Variants in EML5 observed in about 807,000 individuals in gnomAD.
EML5 encodes the protein EMAP like 5.
Under a neutral mutation model 250.0 loss-of-function variants are expected in EML5, and 120 were observed. That is an observed-to-expected ratio of 0.48 (90% CI 0.41 to 0.56). The LOEUF is 0.56. Ranked by LOEUF, EML5 falls within the 20% of genes least tolerant of loss-of-function variation. The pLI, the probability that EML5 is intolerant of heterozygous loss-of-function variation, is 0.00. For missense variants in EML5, 2,006 were observed against 2,437.6 expected, an observed-to-expected ratio of 0.82 and a Z score of 3.73; for synonymous variants, 771 against 806.5, an observed-to-expected ratio of 0.96 and a Z score of 0.75.
At chr14:88,746,966 C>G (rs1165489504) in intron 2 of EML5, among the ~76,000 whole-genome samples, 1 of 152,118 alleles carries the variant, frequency 6.6e-6, no homozygotes, top group Admixed American at 6.5e-5. Flanking sequence ...AAATTTAATT[C>G]AAAGTAGTCT....
intron 33 of EML5, 173 bp from the exon 34 acceptor site, chr14:88,627,992 T>TG: frequency 1.4e-6 from 1 of 724,320 alleles, no homozygotes; most frequent in Non-Finnish European, 2.4e-6. Context: ...AAAGGAGTTT[T>TG]GGGGGTGGGG....
rs1330886933 is a variant in EML5 at position 88,746,193 on chromosome 14, T to C, written c.448A>G (p.Thr150Ala). Residue 150 changes from threonine to alanine, a missense_variant, in exon 3 of 44, where the codon ACA (threonine) becomes GCA (alanine). Physicochemically the swap from Thr to Ala is moderately conservative, Grantham distance 58. Around this residue, in one of 7 missense-constraint regions of EML5, gnomAD observed 162 missense variants for 212.2 expected, o/e 0.76. Transcript: ENST00000554922. Reference protein sequence around the residue: ...GKMLSMAPGHTDRIFDISWDL... With the variant: ...GKMLSMAPGHADRIFDISWDL... ...CAAAAGAGAATACTTACTCTATCTG[T>C]ATGACCAGGAGCCATAGACAACATT... The C allele has an allele frequency of 6.2e-7, 1 of 1,612,352 alleles. No individual in the cohort carries two copies. The highest frequency in any genetic ancestry group is 1.7e-5 in the Admixed American group (1 of 59,956).
At chr14:88,753,321 A>G (rs1338819446) in intron 2 of EML5, among the ~76,000 whole-genome samples, 2 of 152,186 alleles carry the variant, frequency 1.3e-5, no homozygotes, top group Non-Finnish European at 2.9e-5. Flanking sequence ...GAACTCTCTC[A>G]TCTCACTACC....
intron 21 of EML5, among the ~76,000 whole-genome samples, chr14:88,672,673 C>A (rs1268590812): frequency 6.6e-6 from 1 of 151,850 alleles, no homozygotes; most frequent in African/African-American, 2.4e-5. Flanking sequence ...AGAGAAGAAT[C>A]AAATCGACAC....
At chr14:88,662,542 C>CTTT (rs56347693) in intron 24 of EML5, among the ~76,000 whole-genome samples, 1 of 121,700 alleles carries the variant, frequency 8.2e-6, no homozygotes, top group Non-Finnish European at 1.6e-5. Flanking sequence ...TGATTTATTC[C>CTTT]TTTTTTTTTT....
chr14:88,771,397 C>T (rs1485803582), intron 1 of EML5, among the ~76,000 whole-genome samples: 4 of 152,224 alleles, frequency 2.6e-5, no homozygotes, highest in Non-Finnish European at 5.9e-5. Context: ...CTTGAACTCT[C>T]CGCTTGTGTT....
chr14:88,736,606 T>C (rs770113695), intron 6 of EML5, 41 bp from the exon 7 acceptor site: 4 of 1,587,642 alleles, frequency 2.5e-6, no homozygotes, highest in Middle Eastern at 1.7e-4. Flanking sequence ...AATGCTGTAA[T>C]AATGATAGCA....
intron 1 of EML5, among the ~76,000 whole-genome samples, chr14:88,768,805 C>T (rs1327666729): frequency 1.3e-5 from 2 of 152,226 alleles, no homozygotes; most frequent in African/African-American, 4.8e-5. Context: ...ATTTATTTAA[C>T]CCATCTATTT....
At chr14:88,701,395 A>G (rs906064507) in intron 14 of EML5, among the ~76,000 whole-genome samples, 1 of 152,202 alleles carries the variant, frequency 6.6e-6, no homozygotes, top group Admixed American at 6.5e-5. Flanking sequence ...TACTTAGGAC[A>G]CTGTATCACA....
At chr14:88,721,877 G>C (rs867068957) in intron 8 of EML5, among the ~76,000 whole-genome samples, 2 of 152,190 alleles carry the variant, frequency 1.3e-5, no homozygotes, top group Non-Finnish European at 1.5e-5. Context: ...ATCTGACAAA[G>C]GTCTGATATC....
intron 33 of EML5, among the ~76,000 whole-genome samples, chr14:88,630,120 T>TC (rs2090355927): frequency 1.4e-5 from 2 of 146,062 alleles, no homozygotes; most frequent in African/African-American, 2.5e-5. Flanking sequence ...AACCTCTGCC[T>TC]CTGGGGTTCA....
rs575581402 is a variant in EML5 at position 88,772,702 on chromosome 14, G to A, written c.198-18031C>T. Among the ~76,000 whole-genome samples the A allele has an allele frequency of 4.6e-5, 7 of 151,808 alleles. No individual in the cohort carries two copies. The South Asian group carries it at 8.3e-4, about 18-fold the overall frequency. ...TGGGAGGCGGAGGTTGCAGTGAGCC[G>A]AGATCCTGCCACTGCACTCCAGCCT... is the stretch of plus-strand genomic sequence containing the variant. On this transcript the variant is annotated intron_variant, in intron 1 of 43. Coordinates refer to ENST00000554922, the MANE Select transcript of EML5 (RefSeq NM_183387.3).
At chr14:88,786,390 T>G (rs2094551405) in intron 1 of EML5, among the ~76,000 whole-genome samples, 1 of 152,236 alleles carries the variant, frequency 6.6e-6, no homozygotes, top group African/African-American at 2.4e-5. Flanking sequence ...TGGGCAATTT[T>G]ATCTGTTTGG....
intron 23 of EML5, 124 bp from the exon 24 acceptor site, chr14:88,663,243 A>G: frequency 1.9e-6 from 1 of 527,656 alleles, no homozygotes; most frequent in East Asian, 3.4e-5. Flanking sequence ...TTTCTGCTGC[A>G]GTCAACTTAT....
chr14:88,722,961 A>T (rs2093613736), intron 8 of EML5, among the ~76,000 whole-genome samples: 1 of 152,218 alleles, frequency 6.6e-6, no homozygotes, highest in Admixed American at 6.5e-5. Flanking sequence ...GTGAGAGATT[A>T]TAGAATCTGT....
intron 13 of EML5, among the ~76,000 whole-genome samples, chr14:88,703,649 G>T (rs1445323834): frequency 6.6e-6 from 1 of 152,128 alleles, no homozygotes; most frequent in African/African-American, 2.4e-5. Context: ...TTATCAGTCA[G>T]GTAAGAAAAC....
In EML5 at chr14:88,791,200, A is replaced by C. The variant is rs368549949; in HGVS notation, c.197+1107T>G. Among the ~76,000 whole-genome samples, 39 of 152,334 alleles carry C rather than the reference A, an allele frequency of 2.6e-4. 1 individual carries two copies. The highest frequency in any genetic ancestry group is 9.1e-4 in the African/African-American group (38 of 41,580). On this transcript the variant is annotated intron_variant, in intron 1 of 43. Coordinates refer to ENST00000554922, the MANE Select transcript of EML5 (RefSeq NM_183387.3). ...AACAGAAGAACAACTTTATTTGTGG[A>C]ATTTACATACCAGGGCTTCTTGCCT...
At chr14:88,628,343 CTAAGTTCATATCACTTTA>C (rs2090179579) in intron 33 of EML5, among the ~76,000 whole-genome samples, 1 of 151,882 alleles carries the variant, frequency 6.6e-6, no homozygotes, top group South Asian at 2.1e-4. Flanking sequence ...TGGTAAAAAG[CTAAGTTCATATCACTTTA>C]TAAGACATTT....
Position 88,634,551 on chromosome 14 carries a change from TATC to T in EML5, c.4337-65_4337-63del, listed in dbSNP as rs570343868. 6.8e-4 allele frequency: 652 copies of T among 952,750 alleles called. 5 individuals are homozygous for T. The African/African-American group carries it at 0.01, about 15-fold the overall frequency. The allele number at this position is 952,750 out of a possible 1,614,324, so 59.0% of individuals were successfully genotyped here. A position where few individuals can be genotyped will look rare whatever the true frequency, so the allele number is the denominator to read the frequency against. The stretch of plus-strand genomic sequence containing the variant: ...TCTGTAAAATCTGTAAAAACCCAAA[TATC>T]ATATTAATTATAATTTAAACTATTA... On this transcript the variant is annotated intron_variant, in intron 32 of 43. Transcript: ENST00000554922.
Sources: allele counts gnomAD v4.1 joint callset (sites outside exome capture counted in the v4.1 genomes callset), GRCh38; gene constraint gnomAD v4.1.1; regional missense constraint gnomAD v4.1.1; transcripts MANE v1.5; gene names NCBI Gene and HGNC (gene_info 2026-07-23, HGNC 2026-07-21).